The following JAKMIP3 variants were observed in gnomAD, a reference collection of about 807,000 sequenced individuals.
JAKMIP3 encodes the protein Janus kinase and microtubule interacting protein 3, also known as janus kinase and microtubule-interacting protein 3.
JAKMIP3 carries 58 observed loss-of-function variants against 118.5 expected under a neutral mutation model. The ratio of observed to expected loss-of-function variants is 0.49; its 90% CI spans 0.40 to 0.61. The LOEUF (loss-of-function observed/expected upper bound fraction) is 0.61, where lower values mean the gene tolerates loss of function less well. Among genes scored for constraint, JAKMIP3 ranks in the 20% least tolerant of loss-of-function variants. JAKMIP3 has a pLI of 0.00. For missense variants in JAKMIP3, 950 were observed against 1,109.0 expected (o/e 0.86, Z 2.04); for synonymous variants, 486 against 451.2 (o/e 1.08, Z -0.98).
intron 19 of JAKMIP3, among the ~76,000 whole-genome samples, chr10:132,159,343 T>TGG (rs2057557495): frequency 1.0e-5 from 1 of 96,338 alleles, no homozygotes; most frequent in African/African-American, 4.1e-5. Context: ...TGTGTGATGC[T>TGG]GAGGGGGCCT....
intron 23 of JAKMIP3, among the ~76,000 whole-genome samples, chr10:132,173,505 A>G (rs531414772): frequency 1.9e-4 from 29 of 152,110 alleles, no homozygotes; most frequent in African/African-American, 7.0e-4. Flanking sequence ...CGGTGTCCAC[A>G]CACAACACTG....
chr10:132,087,307 T>A (rs769146605), intron 1 of JAKMIP3, among the ~76,000 whole-genome samples: 16 of 152,142 alleles, frequency 1.1e-4, no homozygotes, highest in Non-Finnish European at 1.8e-4. Flanking sequence ...TTCTCTGTCT[T>A]AACTTTAGAT....
chr10:132,159,201 TGTGTGATGCTGTGGGGGCATCTCTC>T lies in JAKMIP3; in HGVS notation c.2221-4007_2221-3983del, dbSNP rs1165269284. ...GTGATGTTGTGGGGGCATCTCTCCC[TGTGTGATGCTGTGGGGGCATCTCTC>T]CCTGTGTGATGCTGGGGGGGCCTCT... On this transcript the variant is annotated intron_variant, in intron 19 of 23. Coordinates refer to ENST00000684848, the MANE Select transcript of JAKMIP3 (RefSeq NM_001323087.2). 8.6e-3 allele frequency among the ~76,000 whole-genome samples: 112 copies of T among 13,058 alleles called. 2 individuals are homozygous for T. Among genetic ancestry groups the T allele is most frequent in the Non-Finnish European group, 0.011 (89 of 7,958 alleles). 8.6% of individuals were successfully genotyped at this position (13,058 alleles called of 152,430 possible). A position where few individuals can be genotyped will look rare whatever the true frequency, so the allele number is the denominator to read the frequency against.
chr10:132,176,084 G>A, intron 23 of JAKMIP3, among the ~76,000 whole-genome samples: 1 of 152,312 alleles, frequency 6.6e-6, no homozygotes, highest in Non-Finnish European at 1.5e-5. Context: ...CGATCAGGGG[G>A]CGGAGTCTTC....
At chr10:132,139,190 G>A (rs978211246) in intron 9 of JAKMIP3, among the ~76,000 whole-genome samples, 1 of 83,426 alleles carries the variant, frequency 1.2e-5, no homozygotes, top group Non-Finnish European at 2.4e-5. Context: ...CTGTGTATGT[G>A]TGTGTATGAG....
intron 1 of JAKMIP3, among the ~76,000 whole-genome samples, chr10:132,076,090 A>C (rs2134087004): frequency 6.6e-6 from 1 of 152,332 alleles, no homozygotes; most frequent in South Asian, 2.1e-4. Flanking sequence ...GAGTTGCACA[A>C]CCACCACCAC....
chr10:132,047,773 C>T (rs999471658), intron 1 of JAKMIP3, among the ~76,000 whole-genome samples: 2 of 151,184 alleles, frequency 1.3e-5, no homozygotes, highest in Admixed American at 6.6e-5. Flanking sequence ...TTCCCCACCC[C>T]ACGCCCCGCC....
chr10:132,068,947 G>A lies in JAKMIP3; in HGVS notation c.-138+2886G>A, dbSNP rs78114669. The stretch of plus-strand genomic sequence containing the variant: ...ATTCAAACCTAGGGAAAGTGACTCC[G>A]GCCAGCTCAGGATGAAGGATGTGAC... On this transcript the variant is annotated intron_variant, in intron 1 of 23. Transcript: ENST00000684848. Among the ~76,000 whole-genome samples the A allele has an allele frequency of 1.8e-4, 28 of 152,272 alleles. No individual in the cohort carries two copies. In the East Asian group the frequency reaches 4.6e-3, roughly 25 times the overall value.
intron 9 of JAKMIP3, among the ~76,000 whole-genome samples, chr10:132,139,287 T>C (rs1022528131): frequency 7.0e-6 from 1 of 142,298 alleles, no homozygotes; most frequent in Admixed American, 7.2e-5. Flanking sequence ...TGAGTGTATA[T>C]GCATCTGTGT....
At chr10:132,086,456 T>C (rs965741513) in intron 1 of JAKMIP3, among the ~76,000 whole-genome samples, 1 of 152,222 alleles carries the variant, frequency 6.6e-6, no homozygotes, top group Non-Finnish European at 1.5e-5. Context: ...GTCAGTGGAG[T>C]ACTGAAGTTC....
Position 132,168,744 on chromosome 10 carries a change from G to T in JAKMIP3, c.*814G>T. On this transcript the variant is annotated 3_prime_UTR_variant, in exon 23 of 24. Coordinates refer to ENST00000684848, the MANE Select transcript of JAKMIP3 (RefSeq NM_001323087.2). ...GGAGCGTGGTGACAGGAGGTGGGAC[G>T]AGGGGGCGGAGCTGGCTGGAACACG... is the stretch of plus-strand genomic sequence containing the variant. 2.6e-5 allele frequency: 7 copies of T among 266,868 alleles called. No individual in the cohort carries two copies. The highest frequency in any genetic ancestry group is 2.5e-4 in the South Asian group (7 of 28,058). 16.5% of individuals were successfully genotyped at this position (266,868 alleles called of 1,614,324 possible). A position where few individuals can be genotyped will look rare whatever the true frequency, so the allele number is the denominator to read the frequency against.
intron 3 of JAKMIP3, among the ~76,000 whole-genome samples, chr10:132,123,630 T>A (rs1202296491): frequency 1.3e-5 from 2 of 152,184 alleles, no homozygotes; most frequent in Admixed American, 1.3e-4. Flanking sequence ...CGAGAGCTTG[T>A]GCCAGGCCCT....
chr10:132,045,933 T>TAA (rs5789110), intron 1 of JAKMIP3, among the ~76,000 whole-genome samples: 74,140 of 144,038 alleles, frequency 0.51, 19,053 homozygotes, highest in African/African-American at 0.58. Context: ...GATCCTGTCT[T>TAA]AAAAAAAAAA....
At chr10:132,077,003 A>C (rs115829478) in intron 1 of JAKMIP3, among the ~76,000 whole-genome samples, 2,356 of 152,000 alleles carry the variant, frequency 0.015, 69 homozygotes, top group African/African-American at 0.054. Flanking sequence ...CCTGGGTCTT[A>C]CCGCGTGAGG....
chr10:132,105,022 G>A, intron 2 of JAKMIP3, 79 bp downstream of exon 2: 2 of 1,496,988 alleles, frequency 1.3e-6, no homozygotes, highest in South Asian at 1.3e-5. Context: ...TTCCTGGAGT[G>A]GGTTTGGCCA....
chr10:132,151,030 C>T (rs1389626118), intron 16 of JAKMIP3, among the ~76,000 whole-genome samples: 2 of 151,920 alleles, frequency 1.3e-5, no homozygotes, highest in Admixed American at 6.6e-5. Flanking sequence ...CCATCCATTC[C>T]TTCTCCATCT....
intron 1 of JAKMIP3, among the ~76,000 whole-genome samples, chr10:132,043,771 G>T (rs2037829102): frequency 6.6e-6 from 1 of 152,190 alleles, no homozygotes. Flanking sequence ...TGGACCATGT[G>T]GGGAGGAAGA....
At chr10:132,079,035 G>A (rs2134157596) in intron 1 of JAKMIP3, among the ~76,000 whole-genome samples, 1 of 151,184 alleles carries the variant, frequency 6.6e-6, no homozygotes, top group East Asian at 1.9e-4. Flanking sequence ...GCCCACTCCT[G>A]CCCCGTCACC....
At chr10:132,054,297 G>T (rs903739196) in intron 1 of JAKMIP3, among the ~76,000 whole-genome samples, 2 of 152,002 alleles carry the variant, frequency 1.3e-5, no homozygotes, top group Non-Finnish European at 2.9e-5. Flanking sequence ...AAAGGCCTGG[G>T]TACCCTCTTT....
Sources: allele counts gnomAD v4.1 joint callset (sites outside exome capture counted in the v4.1 genomes callset), GRCh38; gene constraint gnomAD v4.1.1; transcripts MANE v1.5; gene names NCBI Gene and HGNC (gene_info 2026-07-23, HGNC 2026-07-21).